Variants in PRR16 observed in about 807,000 individuals in gnomAD.
PRR16 encodes protein Largen.
In PRR16, 6 loss-of-function variants were observed where a neutral mutation model predicts 18.2. That is an observed-to-expected ratio of 0.33 (90% CI 0.18 to 0.65). The LOEUF (loss-of-function observed/expected upper bound fraction) is 0.65, where lower values mean the gene tolerates loss of function less well. Ranked by LOEUF, PRR16 falls within the 30% of genes least tolerant of loss-of-function variation. The pLI, the probability that PRR16 is intolerant of heterozygous loss-of-function variation, is 0.74. For synonymous variants in PRR16, 151 were observed against 147.8 expected, an observed-to-expected ratio of 1.02 and a Z score of -0.16; for missense variants, 412 against 376.6, an observed-to-expected ratio of 1.09 and a Z score of -0.78.
chr5:120,635,159 G>C (rs1755186207), intron 1 of PRR16, among the ~76,000 whole-genome samples: 1 of 152,082 alleles, frequency 6.6e-6, no homozygotes, highest in African/African-American at 2.4e-5. Flanking sequence ...AGGACCAGAT[G>C]AATTCATGGC....
chr5:120,695,937 GTA>G, the PRR16 span, among the ~76,000 whole-genome samples: 145,186 of 150,266 alleles, frequency 0.97, 70,222 homozygotes, highest in East Asian at 1. Flanking sequence ...ATGTGTGTGT[GTA>G]TATATATATA....
rs562163723 is a variant in PRR16 at position 120,492,349 on chromosome 5, G to A, written c.159+27704G>A. Among the ~76,000 whole-genome samples, 15 of 151,638 alleles carry A rather than the reference G, an allele frequency of 9.9e-5. 1 individual carries two copies. In the South Asian group the frequency reaches 3.1e-3, roughly 31 times the overall value. ...TTTTCTAGGCTGGTCTCTAATTCCTGAGTTCAAGTGATTGTCTCACCTTAG... is the reference window on the plus strand; with the variant it reads ...TTTTCTAGGCTGGTCTCTAATTCCTAAGTTCAAGTGATTGTCTCACCTTAG... On this transcript the variant is annotated intron_variant, in intron 1 of 1. Coordinates refer to ENST00000407149, the MANE Select transcript of PRR16 (RefSeq NM_001300783.2).
intron 1 of PRR16, among the ~76,000 whole-genome samples, chr5:120,520,900 A>T (rs1489572902): frequency 6.6e-6 from 1 of 151,240 alleles, no homozygotes; most frequent in Non-Finnish European, 1.5e-5. Context: ...GGGAAACATT[A>T]CTTTTTTTTT....
chr5:120,679,492 A>G (rs1200998307), intron 1 of PRR16, among the ~76,000 whole-genome samples: 1 of 152,134 alleles, frequency 6.6e-6, no homozygotes, highest in Non-Finnish European at 1.5e-5. Context: ...GATATAGTGG[A>G]TTCCTTTTCT....
intron 1 of PRR16, among the ~76,000 whole-genome samples, chr5:120,602,349 T>C (rs550368085): frequency 6.6e-6 from 1 of 152,204 alleles, no homozygotes; most frequent in South Asian, 2.1e-4. Context: ...GCCTTCTTGA[T>C]TTGGCTCTCA....
At chr5:120,779,173 A>C in the PRR16 span, among the ~76,000 whole-genome samples, 2 of 152,196 alleles carry the variant, frequency 1.3e-5, no homozygotes, top group African/African-American at 2.4e-5. Flanking sequence ...GATAAATATC[A>C]CAGCCATTCA....
intron 1 of PRR16, among the ~76,000 whole-genome samples, chr5:120,647,316 A>G (rs770370077): frequency 6.6e-6 from 1 of 151,970 alleles, no homozygotes; most frequent in Non-Finnish European, 1.5e-5. Context: ...ATGTCTTCCA[A>G]TCTTCTGCTT....
chr5:120,466,257 A>G (rs1423514548), intron 1 of PRR16, among the ~76,000 whole-genome samples: 1 of 152,128 alleles, frequency 6.6e-6, no homozygotes, highest in Non-Finnish European at 1.5e-5. Context: ...CTTTTATATG[A>G]CATCTTTGGT....
chr5:120,645,588 A>T (rs1245064662), intron 1 of PRR16, among the ~76,000 whole-genome samples: 1 of 152,116 alleles, frequency 6.6e-6, no homozygotes, highest in Non-Finnish European at 1.5e-5. Context: ...ATATATAAGT[A>T]TGATATTTGC....
At chr5:120,746,856 A>T in the PRR16 span, among the ~76,000 whole-genome samples, 2 of 152,172 alleles carry the variant, frequency 1.3e-5, no homozygotes, top group Non-Finnish European at 2.9e-5. Context: ...ATGAAAACAA[A>T]TTATGTTCTC....
chr5:120,686,878 G>T lies in PRR16; in HGVS notation c.*169G>T. 1 of 439,766 alleles carries T rather than the reference G, an allele frequency of 2.3e-6. No homozygotes were observed. 27.2% of individuals were successfully genotyped at this position (439,766 alleles called of 1,614,324 possible). A position where few individuals can be genotyped will look rare whatever the true frequency, so the allele number is the denominator to read the frequency against. ...TATGCAGCACATTGCTTATATCCTG[G>T]GTATGCATTATTTTAAATGTTGTAT... On this transcript the variant is annotated 3_prime_UTR_variant, in exon 2 of 2. Transcript: ENST00000407149.
chr5:120,685,809 C>G, intron 1 of PRR16, 145 bp from the exon 2 acceptor site: 1 of 780,392 alleles, frequency 1.3e-6, no homozygotes, highest in East Asian at 2.7e-5. Flanking sequence ...AATTTATTGA[C>G]TGAAAACATC....
intron 1 of PRR16, among the ~76,000 whole-genome samples, chr5:120,538,845 G>GC (rs1290368044): frequency 6.6e-6 from 1 of 152,208 alleles, no homozygotes; most frequent in Admixed American, 6.5e-5. Flanking sequence ...AGTAGGTTGA[G>GC]CATGTGCAGC....
At chr5:120,640,407 G>C (rs1225533036) in intron 1 of PRR16, among the ~76,000 whole-genome samples, 1 of 152,046 alleles carries the variant, frequency 6.6e-6, no homozygotes, top group Non-Finnish European at 1.5e-5. Flanking sequence ...TAACATGTTT[G>C]GTGCCATGTA....
chr5:120,786,040 A>T, the PRR16 span, among the ~76,000 whole-genome samples: 4 of 147,524 alleles, frequency 2.7e-5, no homozygotes, highest in African/African-American at 7.4e-5. Flanking sequence ...GTTTTTATTA[A>T]TTTTTAAATT....
In PRR16 at chr5:120,516,973, G is replaced by T. The variant is rs565159627; in HGVS notation, c.159+52328G>T. 9.9e-5 allele frequency among the ~76,000 whole-genome samples: 15 copies of T among 152,232 alleles called. No individual in the cohort carries two copies. In the South Asian group the frequency reaches 2.9e-3, roughly 29 times the overall value. The stretch of plus-strand genomic sequence containing the variant: ...CCTGCTGGGTTTGTATCATAACCAA[G>T]AACAATTTCTATTGTTAGCAAATTC... On this transcript the variant is annotated intron_variant, in intron 1 of 1. Coordinates refer to ENST00000407149, the MANE Select transcript of PRR16 (RefSeq NM_001300783.2).
rs1234145386 is a variant in PRR16, at chr5:120,579,642, G to A, written c.160-106312G>A. On this transcript the variant is annotated intron_variant, in intron 1 of 1. Coordinates refer to ENST00000407149, the MANE Select transcript of PRR16 (RefSeq NM_001300783.2). ...GTTTTGGTATCAGGACCATGGTGTA[G>A]CCTGTAATATAGTTTAAAGTCAGGT... Among the ~76,000 whole-genome samples, 3 of 151,066 alleles carry A rather than the reference G, an allele frequency of 2.0e-5. No homozygotes were observed. In the East Asian group the frequency reaches 5.8e-4, roughly 29 times the overall value.
chr5:120,645,231 A>G (rs1755548507), intron 1 of PRR16, among the ~76,000 whole-genome samples: 1 of 152,014 alleles, frequency 6.6e-6, no homozygotes, highest in Admixed American at 6.6e-5. Context: ...TAAATTTTCA[A>G]CGTATGTGTT....
At chr5:120,758,627 T>G in the PRR16 span, among the ~76,000 whole-genome samples, 2 of 151,994 alleles carry the variant, frequency 1.3e-5, no homozygotes, top group Admixed American at 6.6e-5. Context: ...GATCTGATGG[T>G]TTAAAAGTGG....
Sources: gnomAD v4.1 joint callset for allele counts (sites outside exome capture counted in the v4.1 genomes callset) on GRCh38, gnomAD v4.1.1 for gene constraint, MANE v1.5 for transcripts, NCBI Gene and HGNC (gene_info 2026-07-23, HGNC 2026-07-21) for gene names.